The following DNM3 variants were observed in gnomAD, a reference collection of about 807,000 sequenced individuals.
DNM3 encodes the protein dynamin 3.
A neutral mutation model predicts 101.6 loss-of-function variants in DNM3; 47 were observed. The observed-to-expected ratio is 0.46, with a 90% CI of 0.37 to 0.59. DNM3 has a LOEUF of 0.59. Ranked by LOEUF, DNM3 falls within the 20% of genes least tolerant of loss-of-function variation. The pLI, the probability that DNM3 is intolerant of heterozygous loss-of-function variation, is 0.00. For missense variants in DNM3, 849 were observed against 1,085.7 expected, an observed-to-expected ratio of 0.78 and a Z score of 3.06; for synonymous variants, 385 against 387.9, an observed-to-expected ratio of 0.99 and a Z score of 0.09.
At position 172,010,682 on chromosome 1, in the gene DNM3, TTGTGTGTGTGTG is replaced by T. The variant is rs59701730; in HGVS notation, c.589+21564_589+21575del. Among the ~76,000 whole-genome samples, 92 of 112,750 alleles carry T rather than the reference TTGTGTGTGTGTG, an allele frequency of 8.2e-4. 2 individuals carry two copies. The highest frequency in any genetic ancestry group is 2.6e-3 in the African/African-American group (78 of 30,100). The allele number at this position is 112,750 out of a possible 152,430, so 74.0% of individuals were successfully genotyped here. A position where few individuals can be genotyped will look rare whatever the true frequency, so the allele number is the denominator to read the frequency against. On this transcript the variant is annotated intron_variant, in intron 4 of 20. Transcript: ENST00000627582. Reference sequence around the variant, plus strand: ...TAATTATGGTGTGCCTTGGTATGTTTTGTGTGTGTGTGTGTGTGTGTGTGTGTGTGTGTGTGT... The same window carrying T: ...TAATTATGGTGTGCCTTGGTATGTTTTGTGTGTGTGTGTGTGTGTGTGTGT...
intron 14 of DNM3, among the ~76,000 whole-genome samples, chr1:172,198,058 T>C (rs1351470379): frequency 1.3e-5 from 2 of 152,218 alleles, no homozygotes; most frequent in East Asian, 3.9e-4. Context: ...CACAAATGGC[T>C]TTTATTGTTT....
chr1:171,856,636 T>C (rs1351181732), intron 1 of DNM3, among the ~76,000 whole-genome samples: 5 of 152,170 alleles, frequency 3.3e-5, no homozygotes, highest in Admixed American at 6.6e-5. Context: ...TTTGTGGCAA[T>C]TGTGAATGAG....
intron 4 of DNM3, among the ~76,000 whole-genome samples, chr1:171,994,449 G>A (rs2045856832): frequency 6.6e-6 from 1 of 152,012 alleles, no homozygotes; most frequent in African/African-American, 2.4e-5. Flanking sequence ...CTCTCAATGT[G>A]CATTTTGGGG....
At position 172,407,837 on chromosome 1, in the gene DNM3, A is replaced by T. The variant is rs1421429335; in HGVS notation, c.2588A>T (p.Asp863Val). ...CGCCCACTAGAATCCTCCCTGTTAG[A>T]CTAAACGAAGTGTCTGGCATGGCAA... ...IIRPLESSLLD is the reference protein window; with the variant it reads ...IIRPLESSLLV The change falls in exon 21 of 21, where the codon GAC becomes GTC. Residue 863 changes from aspartate to valine, a missense_variant. Asp to Val is a radical substitution (Grantham distance 152). Transcript: ENST00000627582. 6.2e-7 allele frequency: 1 copy of T among 1,613,188 alleles called. No homozygotes were observed. The highest frequency in any genetic ancestry group is 2.2e-5 in the East Asian group (1 of 44,868).
intron 14 of DNM3, among the ~76,000 whole-genome samples, chr1:172,211,846 G>A (rs1051282592): frequency 2.6e-5 from 4 of 152,086 alleles, no homozygotes; most frequent in African/African-American, 7.2e-5. Flanking sequence ...GGATTTTCAA[G>A]GAACAGGTGG....
chr1:172,194,558 T>C (rs941141943), intron 14 of DNM3, among the ~76,000 whole-genome samples: 2 of 152,160 alleles, frequency 1.3e-5, no homozygotes, highest in African/African-American at 4.8e-5. Flanking sequence ...ATTGGGTGCA[T>C]ATATATTTAG....
At chr1:171,918,119 G>A (rs1465682969) in intron 1 of DNM3, among the ~76,000 whole-genome samples, 1 of 152,150 alleles carries the variant, frequency 6.6e-6, no homozygotes, top group East Asian at 1.9e-4. Context: ...TTAGCAAAAT[G>A]TTAAAATATT....
chr1:171,936,843 G>A (rs1487042205), intron 2 of DNM3, among the ~76,000 whole-genome samples: 3 of 22,304 alleles, frequency 1.3e-4, no homozygotes, highest in Admixed American at 1.3e-3. Context: ...CAGAAAACTT[G>A]TTTGGAGGCA....
In DNM3 at chr1:172,350,316, T is replaced by TGTG. The variant is rs2067142079; in HGVS notation, c.1893+26976_1893+26977insGTG. ...ATTTTTCATACCCTTCCATTTTATCTTGTGTGTGTGTGTGTGTGTGTGTGT... is the reference window on the plus strand; with the variant it reads ...ATTTTTCATACCCTTCCATTTTATCTGTGTGTGTGTGTGTGTGTGTGTGTGTGT... On this transcript the variant is annotated intron_variant, in intron 17 of 20. Coordinates refer to ENST00000627582, the MANE Select transcript of DNM3 (RefSeq NM_015569.5). Among the ~76,000 whole-genome samples, 195 of 148,144 alleles carry TGTG rather than the reference T, an allele frequency of 1.3e-3. 2 individuals carry two copies. Among genetic ancestry groups the TGTG allele is most frequent in the African/African-American group, 4.7e-3 (188 of 39,844 alleles).
At chr1:172,341,105 G>A (rs1182824666) in intron 17 of DNM3, among the ~76,000 whole-genome samples, 1 of 152,012 alleles carries the variant, frequency 6.6e-6, no homozygotes, top group Non-Finnish European at 1.5e-5. Flanking sequence ...TCCAAGCCAA[G>A]AGCCAAATCA....
At position 172,308,810 on chromosome 1, in the gene DNM3, A is replaced by T. The variant is rs769549022; in HGVS notation, c.1852A>T (p.Arg618Ter). The T allele has an allele frequency of 6.2e-7, 1 of 1,610,314 alleles. No homozygotes were observed. The highest frequency in any genetic ancestry group is 8.5e-7 in the Non-Finnish European group (1 of 1,178,216). Residue 618 changes from arginine (R) to a stop codon, truncating the protein, a stop_gained, in exon 16 of 21, where the codon AGA becomes TGA. Coordinates refer to ENST00000627582, the MANE Select transcript of DNM3 (RefSeq NM_015569.5). LOFTEE classifies it high-confidence loss of function. ...CGACAGCTGGAAGGCATCTCTACTA[A>T]GAGCTGGGGTCTATCCTGACAAATC... ...DVDSWKASLL[R>*]AGVYPDKSVG...
intron 1 of DNM3, among the ~76,000 whole-genome samples, chr1:171,892,880 T>C (rs1256651771): frequency 6.7e-6 from 1 of 149,890 alleles, no homozygotes; most frequent in East Asian, 1.9e-4. Flanking sequence ...GTTATGAGAA[T>C]CTATTGCCAC....
At chr1:172,401,747 T>G (rs2070501834) in intron 20 of DNM3, among the ~76,000 whole-genome samples, 1 of 152,154 alleles carries the variant, frequency 6.6e-6, no homozygotes, top group African/African-American at 2.4e-5. Context: ...AGCCAAAAAT[T>G]CCAAAAATAT....
chr1:172,079,724 C>A (rs1003297626), intron 11 of DNM3, among the ~76,000 whole-genome samples: 1 of 152,096 alleles, frequency 6.6e-6, no homozygotes, highest in African/African-American at 2.4e-5. Context: ...AATTTTCAGC[C>A]TTTTTGCACT....
intron 2 of DNM3, among the ~76,000 whole-genome samples, chr1:171,965,083 T>G (rs1377659000): frequency 6.6e-6 from 1 of 152,140 alleles, no homozygotes; most frequent in Non-Finnish European, 1.5e-5. Flanking sequence ...CGAGTTCAAA[T>G]GCCAATCTCA....
chr1:172,412,274 A>G lies in DNM3; in HGVS notation c.*4433A>G, dbSNP rs1190753159. On this transcript the variant is annotated 3_prime_UTR_variant, in exon 21 of 21. Transcript: ENST00000627582. ...TTCGCTCATTATGAAATGTTTTAAA[A>G]TTATGACAAAAATTACTCTGTCTAA... 2.0e-6 allele frequency: 2 copies of G among 985,278 alleles called. No homozygotes were observed. Among genetic ancestry groups the G allele is most frequent in the African/African-American group, 3.5e-5 (2 of 57,224 alleles). 61.0% of individuals were successfully genotyped at this position (985,278 alleles called of 1,614,324 possible).
At chr1:171,846,808 C>T (rs4916402) in intron 1 of DNM3, among the ~76,000 whole-genome samples, 93,052 of 152,042 alleles carry the variant, frequency 0.61, 28,812 homozygotes, top group East Asian at 0.8. Context: ...TGGATTATGT[C>T]ATACTAAATA....
chr1:171,935,499 A>T (rs1188218498), intron 2 of DNM3, among the ~76,000 whole-genome samples: 1 of 152,174 alleles, frequency 6.6e-6, no homozygotes, highest in Non-Finnish European at 1.5e-5. Flanking sequence ...GGAGGACAAG[A>T]GATGTACAAA....
At chr1:172,259,344 G>A (rs886718184) in intron 15 of DNM3, among the ~76,000 whole-genome samples, 1 of 152,054 alleles carries the variant, frequency 6.6e-6, no homozygotes, top group Non-Finnish European at 1.5e-5. Flanking sequence ...TTAGAGTGGA[G>A]TGTAGAAGTC....
Sources: allele counts gnomAD v4.1 joint callset (sites outside exome capture counted in the v4.1 genomes callset), GRCh38; gene constraint gnomAD v4.1.1; transcripts MANE v1.5; gene names NCBI Gene and HGNC (gene_info 2026-07-23, HGNC 2026-07-21).